KLHL8: variants seen among roughly 807,000 people sequenced by gnomAD.
The protein encoded by KLHL8 is kelch-like protein 8.
Under a neutral mutation model 63.5 loss-of-function variants are expected in KLHL8, and 38 were observed. The ratio of observed to expected loss-of-function variants is 0.60; its 90% confidence interval spans 0.46 to 0.78. KLHL8 has a LOEUF of 0.78. Ranked by LOEUF, KLHL8 falls within the 30% of genes least tolerant of loss-of-function variation. The pLI, the probability that KLHL8 is intolerant of heterozygous loss-of-function variation, is 0.00. For synonymous variants in KLHL8, 224 were observed against 254.3 expected (o/e 0.88, Z 1.13); for missense variants, 566 against 752.4 (o/e 0.75, Z 2.90).
intron 2 of KLHL8, among the ~76,000 whole-genome samples, chr4:87,192,872 T>C (rs1015449772): frequency 9.2e-5 from 14 of 152,056 alleles, no homozygotes; most frequent in Admixed American, 6.5e-4. Context: ...CATATAAACA[T>C]AGGAAAGGTA....
intron 1 of KLHL8, among the ~76,000 whole-genome samples, chr4:87,213,896 T>C (rs1732495590): frequency 6.6e-6 from 1 of 152,202 alleles, no homozygotes; most frequent in South Asian, 2.1e-4. Context: ...TAGACAGTTT[T>C]GGGATTCTGT....
At position 87,164,247 on chromosome 4, in the gene KLHL8, T is replaced by C. The variant is rs554800758; in HGVS notation, c.1538-168A>G. On this transcript the variant is annotated intron_variant, in intron 8 of 9. Coordinates refer to ENST00000273963, the MANE Select transcript of KLHL8 (RefSeq NM_020803.5). ...ATACCTGTCTACCACCACCAACAAC[T>C]ACCATTAGATGTTGTCTACAATTCC... Among the ~76,000 whole-genome samples, 21 of 152,276 alleles carry C rather than the reference T, an allele frequency of 1.4e-4. No homozygotes were observed. The East Asian group carries it at 4.0e-3, about 29-fold the overall frequency.
intron 8 of KLHL8, among the ~76,000 whole-genome samples, chr4:87,168,650 ATATATATATG>A (rs1730498269): frequency 1.4e-5 from 2 of 146,840 alleles, no homozygotes. Flanking sequence ...TTTTTAAAAG[ATATATATATG>A]TATATATATG....
rs188441217 is a variant in KLHL8, at chr4:87,179,748, G to A, written c.953-1128C>T. On this transcript the variant is annotated intron_variant, in intron 4 of 9. Coordinates refer to ENST00000273963, the MANE Select transcript of KLHL8 (RefSeq NM_020803.5). ...GCTATGATTGCACCACTGCACTCCA[G>A]CCTGAGTGATGGAGTGAGACCCTGT... Among the ~76,000 whole-genome samples the A allele has an allele frequency of 3.3e-3, 498 of 152,162 alleles. 2 individuals carry two copies. Among genetic ancestry groups the A allele is most frequent in the African/African-American group, 0.012 (484 of 41,506 alleles).
At chr4:87,229,517 T>C (rs10028892) in intron 1 of KLHL8, among the ~76,000 whole-genome samples, 25,372 of 150,292 alleles carry the variant, frequency 0.17, 2,531 homozygotes, top group East Asian at 0.44. Flanking sequence ...TCGCAACCTC[T>C]GCCTCCCGGG....
chr4:87,207,823 T>C, intron 1 of KLHL8: 1 of 1,194,296 alleles, frequency 8.4e-7, no homozygotes, highest in Non-Finnish European at 1.2e-6. Flanking sequence ...TAACCTGACC[T>C]GCCATCTGGA....
chr4:87,177,289 C>G (rs999914707), intron 5 of KLHL8, among the ~76,000 whole-genome samples: 3 of 151,880 alleles, frequency 2.0e-5, no homozygotes, highest in Non-Finnish European at 4.4e-5. Context: ...CTGAGGTGGG[C>G]GGATCACCTG....
chr4:87,227,511 G>T (rs769958785), intron 1 of KLHL8, among the ~76,000 whole-genome samples: 1 of 152,162 alleles, frequency 6.6e-6, no homozygotes, highest in Non-Finnish European at 1.5e-5. Flanking sequence ...TTAGCCAGTG[G>T]TGTTGGTATG....
In KLHL8 at chr4:87,185,328, C is replaced by T; in HGVS notation, c.688G>A (p.Val230Ile). The T allele has an allele frequency of 1.9e-6, 3 of 1,614,136 alleles. No homozygotes were observed. ...AGCCACTTGATGGCAGCATTATAGA[C>T]CTGCTTTTCATTTTCAATATTTAGA... ...SDLNIENEKQ[V>I]YNAAIKWLLA... The change falls in exon 3 of 10, where the codon GTC (valine) becomes ATC (isoleucine). Residue 230 changes from valine to isoleucine, a missense_variant. Transcript: ENST00000273963.
chr4:87,208,823 T>C (rs1732270016), intron 1 of KLHL8, among the ~76,000 whole-genome samples: 1 of 152,232 alleles, frequency 6.6e-6, no homozygotes, highest in Non-Finnish European at 1.5e-5. Flanking sequence ...TTTATTATTG[T>C]TGTCACAAAA....
rs1560723924 is a variant in KLHL8 at position 87,226,941 on chromosome 4, T to TATTATATATAAATA, written n.58-5552_58-5551insTATTTATATATAAT. Among the ~76,000 whole-genome samples, 26 of 47,330 alleles carry TATTATATATAAATA rather than the reference T, an allele frequency of 5.5e-4. 1 individual carries two copies. The Admixed American group carries it at 7.4e-3, about 13-fold the overall frequency. The allele number at this position is 47,330 out of a possible 152,430, so 31.1% of individuals were successfully genotyped here. ...TAATATATATATTATATATAAATAA[T>TATTATATATAAATA]ATATATTATATATAAGTAATATATA... On this transcript the variant is annotated intron_variant and non_coding_transcript_variant, in intron 1 of 1. Coordinates refer to the KLHL8 transcript ENST00000506274.
At chr4:87,173,119 CT>C (rs1487780499) in intron 6 of KLHL8, among the ~76,000 whole-genome samples, 2 of 152,034 alleles carry the variant, frequency 1.3e-5, no homozygotes, top group African/African-American at 4.8e-5. Context: ...TTTTTGAAGG[CT>C]CTTCATCTCC....
At chr4:87,163,700 T>C (rs1730264086) in intron 9 of KLHL8, 58 bp from the exon 10 acceptor site, 6 of 1,600,350 alleles carry the variant, frequency 3.7e-6, no homozygotes, top group Non-Finnish European at 5.1e-6. Flanking sequence ...CTCAAAATAC[T>C]AACCAAAGAC....
At chr4:87,168,209 G>A (rs1730479677) in intron 8 of KLHL8, among the ~76,000 whole-genome samples, 1 of 152,064 alleles carries the variant, frequency 6.6e-6, no homozygotes, top group Admixed American at 6.5e-5. Flanking sequence ...AGCCTGGCAG[G>A]CATTCCAGTC....
At position 87,195,327 on chromosome 4, in the gene KLHL8, G is replaced by A; in HGVS notation, c.213C>T (p.Leu71=). 6.2e-7 allele frequency: 1 copy of A among 1,610,342 alleles called. No individual in the cohort carries two copies. The highest frequency in any genetic ancestry group is 8.5e-7 in the Non-Finnish European group (1 of 1,178,838). The change falls in exon 2 of 10, where the codon CTC becomes CTT. Residue 71 remains leucine (L), a synonymous_variant. Transcript: ENST00000273963. ...YENGELCDVT[L]KVGSKLISCH... ...AGTACAAAAAAGGCAATCTCACCTTGAGTGTGACATCACAGAGTTCTCCAT... is the reference window on the plus strand; with the variant it reads ...AGTACAAAAAAGGCAATCTCACCTTAAGTGTGACATCACAGAGTTCTCCAT...
At chr4:87,239,705 G>C (rs995825306) in intron 1 of KLHL8, among the ~76,000 whole-genome samples, 16 of 152,146 alleles carry the variant, frequency 1.1e-4, no homozygotes, top group African/African-American at 3.9e-4. Context: ...ATGAATTTAT[G>C]AGAACCTTGG....
chr4:87,199,225 T>C (rs1731817307), intron 1 of KLHL8, among the ~76,000 whole-genome samples: 1 of 152,108 alleles, frequency 6.6e-6, no homozygotes, highest in African/African-American at 2.4e-5. Context: ...AGAGTAGCTA[T>C]AATATCAAAC....
chr4:87,171,573 G>C (rs1730637206), intron 6 of KLHL8, among the ~76,000 whole-genome samples: 1 of 152,174 alleles, frequency 6.6e-6, no homozygotes, highest in African/African-American at 2.4e-5. Context: ...TCAGGTGTGT[G>C]AGAACAAGTA....
intron 1 of KLHL8, among the ~76,000 whole-genome samples, chr4:87,200,750 A>T (rs1025551005): frequency 6.6e-6 from 1 of 152,222 alleles, no homozygotes; most frequent in East Asian, 1.9e-4. Context: ...AAAAGTTAGA[A>T]ATAGAATTAC....
Sources: allele counts gnomAD v4.1 joint callset (sites outside exome capture counted in the v4.1 genomes callset), GRCh38; gene constraint gnomAD v4.1.1; transcripts MANE v1.5; gene names NCBI Gene and HGNC (gene_info 2026-07-23, HGNC 2026-07-21).